Variants in FAM234A observed in about 807,000 individuals in gnomAD.
FAM234A encodes family with sequence similarity 234 member A.
FAM234A carries 42 observed loss-of-function variants against 49.1 expected under a neutral mutation model. That is an observed-to-expected ratio of 0.86 (90% confidence interval 0.67 to 1.11). The LOEUF is 1.11. Among genes scored for constraint, FAM234A ranks in the 50% least tolerant of loss-of-function variants. The pLI is 0.00. For synonymous variants in FAM234A, 369 were observed against 316.2 expected (o/e 1.17, Z -1.77); for missense variants, 815 against 745.2 (o/e 1.09, Z -1.09).
At chr16:259,384 G>A (rs999832644) in intron 3 of FAM234A, 99 bp from the exon 4 acceptor site, 1 of 707,646 alleles carries the variant, frequency 1.4e-6, no homozygotes, top group Non-Finnish European at 2.5e-6. Context: ...CCTCACAGTG[G>A]CAGGTTCCAT....
At chr16:247,968 G>T (rs1306564316) in intron 1 of FAM234A, among the ~76,000 whole-genome samples, 2 of 152,126 alleles carry the variant, frequency 1.3e-5, no homozygotes, top group Admixed American at 6.5e-5. Flanking sequence ...AACCCTCTCA[G>T]AGTGGAGCCC....
intron 3 of FAM234A, 36 bp from the exon 4 acceptor site, chr16:259,447 G>T (rs757150642): frequency 2.5e-6 from 3 of 1,214,896 alleles, no homozygotes; most frequent in Non-Finnish European, 3.6e-6. Context: ...AACCAGGCAT[G>T]GCCCGCGGAG....
chr16:262,529 C>T lies in FAM234A; in HGVS notation c.947C>T (p.Thr316Ile), dbSNP rs760896719. The T allele has an allele frequency of 1.2e-6, 2 of 1,608,938 alleles. No homozygotes were observed. The highest frequency in any genetic ancestry group is 1.7e-6 in the Non-Finnish European group (2 of 1,177,884). The stretch of plus-strand genomic sequence containing the variant: ...CACTGGGAGAGCATGCTCAATGCCA[C>T]CACCCGCAGGATGCTTTCCCACAGG... Reference protein sequence around the residue: ...DPHWESMLNATTRRMLSHSSG... With the variant: ...DPHWESMLNAITRRMLSHSSG... Residue 316 changes from threonine to isoleucine, a missense_variant, in exon 8 of 13, where the codon ACC (threonine) becomes ATC (isoleucine). Thr to Ile is a moderately conservative substitution (Grantham distance 89). Transcript: ENST00000399932.
chr16:237,279 A>G (rs1273457032), intron 1 of FAM234A, among the ~76,000 whole-genome samples: 1 of 152,022 alleles, frequency 6.6e-6, no homozygotes, highest in African/African-American at 2.4e-5. Flanking sequence ...GTAACAACAC[A>G]AAGTTTAATG....
Position 249,529 on chromosome 16 carries a change from A to C in FAM234A, c.-139-20A>C, listed in dbSNP as rs1478321045. 6.6e-6 allele frequency: 1 copy of C among 151,948 alleles called. No homozygotes were observed. The highest frequency in any genetic ancestry group is 1.5e-5 in the Non-Finnish European group (1 of 68,046). The allele number at this position is 151,948 out of a possible 1,614,324, so 9.4% of individuals were successfully genotyped here. A position where few individuals can be genotyped will look rare whatever the true frequency, so the allele number is the denominator to read the frequency against. On this transcript the variant is annotated intron_variant, in intron 1 of 12. Transcript: ENST00000399932. ...CAGGCTGCCTGAGCTGCACTTGACAAGTGGCTTTATGATCCCTAGGTCCAC... is the reference window on the plus strand; with the variant it reads ...CAGGCTGCCTGAGCTGCACTTGACACGTGGCTTTATGATCCCTAGGTCCAC...
downstream of FAM234A, among the ~76,000 whole-genome samples, chr16:267,803 AC>A (rs1299685368): frequency 6.9e-6 from 1 of 145,690 alleles, no homozygotes; most frequent in East Asian, 2.1e-4. Context: ...AGTACACCAC[AC>A]GTGCACTACA....
intron 9 of FAM234A, 138 bp downstream of exon 9, chr16:263,540 TC>T: frequency 7.4e-7 from 1 of 1,347,502 alleles, no homozygotes; most frequent in Non-Finnish European, 1.0e-6. Context: ...CTTGCCTGTC[TC>T]TGGTACTTGC....
intron 1 of FAM234A, among the ~76,000 whole-genome samples, chr16:238,310 C>A: frequency 6.6e-6 from 1 of 152,090 alleles, no homozygotes; most frequent in East Asian, 1.9e-4. Context: ...TGAACCACCG[C>A]CCCCGCCCCT....
Position 262,180 on chromosome 16 carries a change from C to T in FAM234A, c.796C>T (p.Leu266Phe), listed in dbSNP as rs1309917609. The T allele has an allele frequency of 6.2e-7, 1 of 1,614,034 alleles. No individual in the cohort carries two copies. Among genetic ancestry groups the T allele is most frequent in the South Asian group, 1.1e-5 (1 of 91,092 alleles). ...TGTGGACGGGGAAAGTGGCTTCCTCCTTCACGTCACCAGGACAGGTGCCCA... is the reference window on the plus strand; with the variant it reads ...TGTGGACGGGGAAAGTGGCTTCCTCTTTCACGTCACCAGGACAGGTGCCCA... Reference protein sequence around the residue: ...LGVDGESGFLLHVTRTGAHYI... With the variant: ...LGVDGESGFLFHVTRTGAHYI... The change falls in exon 7 of 13, where the codon CTT (leucine) becomes TTT (phenylalanine). Residue 266 changes from leucine (L) to phenylalanine (F), a missense_variant. Transcript: ENST00000399932.
chr16:245,830 G>C (rs1370366886), intron 1 of FAM234A, among the ~76,000 whole-genome samples: 2 of 152,060 alleles, frequency 1.3e-5, no homozygotes, highest in East Asian at 3.9e-4. Context: ...TCCACCTTTG[G>C]GGTCATGCGT....
intron 2 of FAM234A, 47 bp downstream of exon 2, chr16:249,701 G>A (rs763430314): frequency 2.6e-5 from 4 of 152,154 alleles, no homozygotes; most frequent in Non-Finnish European, 5.9e-5. Context: ...GGTGTTTTCA[G>A]ATTCCTGGTG....
rs755350819 is a variant in FAM234A at position 264,048 on chromosome 16, C to G, written c.1221C>G (p.Val407=). ...TTCTGGACCTTGGCACTGGAGCCGT[C>G]CTGTGTAGCCTAGCCCTCCCGAGCC... ...ILFLDLGTGA[V]LCSLALPSLP... is the part of the protein sequence containing the mutation. The change falls in exon 11 of 13, where the codon GTC becomes GTG. Residue 407 remains valine (V), a synonymous_variant. Coordinates refer to ENST00000399932, the MANE Select transcript of FAM234A (RefSeq NM_032039.4). 5.0e-6 allele frequency: 8 copies of G among 1,613,300 alleles called. No individual in the cohort carries two copies. Among genetic ancestry groups the G allele is most frequent in the East Asian group, 2.2e-5 (1 of 44,884 alleles).
intron 10 of FAM234A, 39 bp from the exon 11 acceptor site, chr16:263,977 C>T (rs778473386): frequency 4.4e-6 from 7 of 1,588,548 alleles, no homozygotes; most frequent in African/African-American, 4.1e-5. Flanking sequence ...TTCCCGGTAG[C>T]CCCCACGTTG....
intron 3 of FAM234A, among the ~76,000 whole-genome samples, chr16:257,030 C>G (rs2051260668): frequency 1.3e-5 from 2 of 152,214 alleles, no homozygotes; most frequent in South Asian, 4.1e-4. Context: ...GCACGTGCCA[C>G]CACGCTTGGC....
downstream of FAM234A, chr16:269,489 C>T: frequency 3.7e-6 from 6 of 1,612,214 alleles, no homozygotes; most frequent in Admixed American, 1.7e-5. Flanking sequence ...CCACAGGGCA[C>T]TGCCTGGGCT....
At chr16:268,682 G>A, downstream of FAM234A, 1 of 1,356,462 alleles carries the variant, frequency 7.4e-7, no homozygotes, top group Non-Finnish European at 1.0e-6. Flanking sequence ...GACAAATTCT[G>A]GAACGCGTTT....
downstream of FAM234A, chr16:269,323 G>C: frequency 2.5e-6 from 4 of 1,600,744 alleles, no homozygotes; most frequent in Non-Finnish European, 3.4e-6. Flanking sequence ...GCTCCACAGG[G>C]GTGGGAAGGA....
Position 260,198 on chromosome 16 carries a change from T to C in FAM234A, c.577+38T>C, listed in dbSNP as rs1301526433. ...GGCAGCGGGGTTCTCACTGAGGGCC[T>C]CTCACCTGAGCCACCTCACCCTGAG... On this transcript the variant is annotated intron_variant, in intron 5 of 12. Transcript: ENST00000399932. 3.8e-6 allele frequency: 6 copies of C among 1,590,706 alleles called. No homozygotes were observed. The African/African-American group carries it at 8.1e-5, about 21-fold the overall frequency.
At chr16:259,938 A>C in intron 4 of FAM234A, 31 bp from the exon 5 acceptor site, 1 of 1,600,914 alleles carries the variant, frequency 6.2e-7, no homozygotes, top group Non-Finnish European at 8.5e-7. Context: ...CAGATGGTGC[A>C]ACAGTGAGGT....
Sources: allele counts gnomAD v4.1 joint callset (sites outside exome capture counted in the v4.1 genomes callset), GRCh38; gene constraint gnomAD v4.1.1; transcripts MANE v1.5; gene names NCBI Gene and HGNC (gene_info 2026-07-23, HGNC 2026-07-21).